Variants in RPA3 observed in about 807,000 individuals in gnomAD.
RPA3 encodes replication protein A3.
RPA3 carries 24 observed loss-of-function variants against 13.7 expected under a neutral mutation model. That is an observed-to-expected ratio of 1.75 (90% confidence interval 1.27 to 2.46). RPA3 has a LOEUF of 2.46. Ranked by LOEUF, RPA3 falls within the 30% of genes most tolerant of loss-of-function variation. The pLI is 0.00. For missense variants in RPA3, 183 were observed against 151.0 expected (o/e 1.21, Z -1.11); for synonymous variants, 59 against 51.2 (o/e 1.15, Z -0.65).
chr7:7,653,484 G>A (rs542894263), intron 4 of RPA3, among the ~76,000 whole-genome samples: 2 of 152,128 alleles, frequency 1.3e-5, no homozygotes, highest in East Asian at 3.9e-4. Context: ...AAAAACTGTG[G>A]TTTTCACATG....
At chr7:7,676,928 T>C (rs1335050773) in intron 4 of RPA3, among the ~76,000 whole-genome samples, 1 of 152,160 alleles carries the variant, frequency 6.6e-6, no homozygotes, top group Non-Finnish European at 1.5e-5. Context: ...GCTAGGTTTC[T>C]CTTTTTATTA....
At chr7:7,680,911 AATTT>A (rs1779893086) in intron 4 of RPA3, among the ~76,000 whole-genome samples, 1 of 152,064 alleles carries the variant, frequency 6.6e-6, no homozygotes, top group Non-Finnish European at 1.5e-5. Flanking sequence ...AACCTTACTG[AATTT>A]ATTTATTAGT....
Position 7,639,156 on chromosome 7 carries a change from A to G in RPA3, c.100-12T>C. On this transcript the variant is annotated splice_polypyrimidine_tract_variant and intron_variant, in intron 5 of 7. Transcript: ENST00000223129. ...CCGGTGGGATGAATCTAAAAACGAA[A>G]CATATAATTAAAATCTCACTAAAAC... 1 of 1,601,012 alleles carries G rather than the reference A, an allele frequency of 6.2e-7. No homozygotes were observed. Among genetic ancestry groups the G allele is most frequent in the Non-Finnish European group, 8.5e-7 (1 of 1,172,408 alleles).
intron 5 of RPA3, among the ~76,000 whole-genome samples, chr7:7,639,508 A>C (rs957051504): frequency 2.0e-5 from 3 of 152,220 alleles, no homozygotes; most frequent in Non-Finnish European, 4.4e-5. Flanking sequence ...TGTTTTAAAA[A>C]ACAGGCATGA....
intron 4 of RPA3, chr7:7,676,160 C>T: frequency 2.5e-6 from 1 of 398,602 alleles, no homozygotes. Flanking sequence ...TGGGTCAGAC[C>T]CTTTGGGTTG....
chr7:7,673,370 C>T (rs1779659346), intron 4 of RPA3: 1 of 1,137,608 alleles, frequency 8.8e-7, no homozygotes, highest in Non-Finnish European at 1.3e-6. Context: ...GCAGCAGCAG[C>T]AATGTTTCAC....
intron 2 of RPA3, among the ~76,000 whole-genome samples, chr7:7,710,235 T>C (rs1045580): frequency 0.25 from 38,291 of 152,120 alleles, 5,520 homozygotes; most frequent in Middle Eastern, 0.38. Context: ...AACAGTGCTG[T>C]TACTGAACAT....
chr7:7,673,710 CCTT>C (rs1563108721), intron 4 of RPA3, among the ~76,000 whole-genome samples: 7 of 132,466 alleles, frequency 5.3e-5, no homozygotes, highest in Non-Finnish European at 3.5e-5. Flanking sequence ...TTTTTCCCCC[CCTT>C]TTTTTTTTTA....
chr7:7,701,968 G>A (rs1032481900), intron 2 of RPA3, among the ~76,000 whole-genome samples: 1 of 152,020 alleles, frequency 6.6e-6, no homozygotes, highest in African/African-American at 2.4e-5. Flanking sequence ...TCTTCTTAAC[G>A]AATTTTCCAA....
intron 4 of RPA3, among the ~76,000 whole-genome samples, chr7:7,664,299 C>G (rs1779378886): frequency 6.6e-6 from 1 of 152,124 alleles, no homozygotes; most frequent in Admixed American, 6.5e-5. Context: ...TAATCCAGTC[C>G]CGTTTCAGTA....
chr7:7,699,055 G>C (rs1028038149), intron 2 of RPA3, among the ~76,000 whole-genome samples: 2 of 150,890 alleles, frequency 1.3e-5, no homozygotes, highest in Non-Finnish European at 3.0e-5. Flanking sequence ...TGTGTGGGGG[G>C]GGGGTAGATA....
At chr7:7,670,934 C>T (rs1353944376) in intron 4 of RPA3, among the ~76,000 whole-genome samples, 1 of 152,222 alleles carries the variant, frequency 6.6e-6, no homozygotes, top group Non-Finnish European at 1.5e-5. Flanking sequence ...GGAGAGGCTC[C>T]TCCATCCATT....
intron 2 of RPA3, among the ~76,000 whole-genome samples, chr7:7,711,236 T>G (rs1276423223): frequency 6.6e-6 from 1 of 152,202 alleles, no homozygotes; most frequent in Non-Finnish European, 1.5e-5. Flanking sequence ...ATTTCTCCAA[T>G]CTGCCTGTGA....
intron 2 of RPA3, among the ~76,000 whole-genome samples, chr7:7,695,623 A>T (rs935960406): frequency 6.6e-6 from 1 of 152,104 alleles, no homozygotes. Context: ...TGGAATTTCT[A>T]CTCACAGGAT....
At chr7:7,674,416 T>C (rs1779687508) in intron 4 of RPA3, among the ~76,000 whole-genome samples, 1 of 152,226 alleles carries the variant, frequency 6.6e-6, no homozygotes, top group South Asian at 2.1e-4. Flanking sequence ...AGAGTTTTTC[T>C]CGTGGATAAA....
intron 4 of RPA3, among the ~76,000 whole-genome samples, chr7:7,669,379 T>G (rs1442659192): frequency 6.6e-6 from 1 of 152,178 alleles, no homozygotes; most frequent in Non-Finnish European, 1.5e-5. Flanking sequence ...GCTGTACCCC[T>G]CATAGAGGGG....
intron 4 of RPA3, among the ~76,000 whole-genome samples, chr7:7,644,750 TATC>T (rs1160782882): frequency 1.3e-5 from 2 of 152,224 alleles, no homozygotes; most frequent in African/African-American, 4.8e-5. Flanking sequence ...TAGTGTAGCT[TATC>T]ATAACTTTTG....
intron 4 of RPA3, among the ~76,000 whole-genome samples, chr7:7,649,876 C>T (rs1785186291): frequency 6.6e-6 from 1 of 152,192 alleles, no homozygotes; most frequent in South Asian, 2.1e-4. Context: ...AGATCCCTTG[C>T]TCCTTCAACC....
At chr7:7,645,724 T>A (rs777198976) in intron 4 of RPA3, among the ~76,000 whole-genome samples, 19 of 152,228 alleles carry the variant, frequency 1.2e-4, no homozygotes, top group Non-Finnish European at 2.4e-4. Context: ...TTTTTCAGTG[T>A]TTGAACCAAG....
Sources: gnomAD v4.1 joint callset for allele counts (sites outside exome capture counted in the v4.1 genomes callset) on GRCh38, gnomAD v4.1.1 for gene constraint, MANE v1.5 for transcripts, NCBI Gene and HGNC (gene_info 2026-07-23, HGNC 2026-07-21) for gene names.